Variants in HNRNPD observed in about 807,000 individuals in gnomAD.
The protein encoded by HNRNPD is heterogeneous nuclear ribonucleoprotein D.
Under a neutral mutation model 47.9 loss-of-function variants are expected in HNRNPD, and 3 were observed. The ratio of observed to expected loss-of-function variants is 0.06; its 90% CI spans 0.03 to 0.16. HNRNPD has a LOEUF of 0.16. HNRNPD is among the 10% of genes least tolerant of loss of function. The pLI is 1.00. For synonymous variants in HNRNPD, 171 were observed against 165.1 expected (o/e 1.04, Z -0.28); for missense variants, 287 against 454.2 (o/e 0.63, Z 3.35).
Position 82,353,605 on chromosome 4 carries a change from A to C in HNRNPD, c.*580T>G, listed in dbSNP as rs930107891. The C allele has an allele frequency of 3.3e-5, 5 of 152,676 alleles. No individual in the cohort carries two copies. The highest frequency in any genetic ancestry group is 1.2e-4 in the African/African-American group (5 of 41,466). The allele number at this position is 152,676 out of a possible 1,614,324, so 9.5% of individuals were successfully genotyped here. A position where few individuals can be genotyped will look rare whatever the true frequency, so the allele number is the denominator to read the frequency against. On this transcript the variant is annotated 3_prime_UTR_variant, in exon 9 of 9. Transcript: ENST00000313899. ...ATAAATCTTAATGGCTACATAAGGAAGTATTATTAAAACAACCAACAAACA... is the reference window on the plus strand; with the variant it reads ...ATAAATCTTAATGGCTACATAAGGACGTATTATTAAAACAACCAACAAACA...
intron 6 of HNRNPD, 29 bp downstream of exon 6, chr4:82,356,767 A>AG: frequency 6.2e-7 from 1 of 1,612,816 alleles, no homozygotes; most frequent in South Asian, 1.1e-5. Flanking sequence ...GAAAAGCTTA[A>AG]GATAGAGTAA....
At chr4:82,369,894 G>A (rs1383295834) in intron 2 of HNRNPD, among the ~76,000 whole-genome samples, 1 of 152,216 alleles carries the variant, frequency 6.6e-6, no homozygotes. Flanking sequence ...TGTGATTACA[G>A]CACTTGGGGA....
rs181196854 is a variant in HNRNPD at position 82,352,500 on chromosome 4, T to G, written c.*1685A>C. The G allele has an allele frequency of 2.6e-3, 400 of 152,322 alleles. 1 individual carries two copies. Among genetic ancestry groups the G allele is most frequent in the African/African-American group, 9.1e-3 (379 of 41,566 alleles). 9.4% of individuals were successfully genotyped at this position (152,322 alleles called of 1,614,324 possible). On this transcript the variant is annotated 3_prime_UTR_variant, in exon 9 of 9. Transcript: ENST00000313899. ...ATGAACGACAGAGGGAGACCCTGTC[T>G]CTTAAAAATAATTTTTTATTGAGAG...
rs1723566140 is a variant in HNRNPD, at chr4:82,353,056, G to A, written c.*1129C>T. The A allele has an allele frequency of 6.6e-6, 1 of 152,266 alleles. No individual in the cohort carries two copies. Among genetic ancestry groups the A allele is most frequent in the Admixed American group, 6.5e-5 (1 of 15,288 alleles). The allele number at this position is 152,266 out of a possible 1,614,324, so 9.4% of individuals were successfully genotyped here. A position where few individuals can be genotyped will look rare whatever the true frequency, so the allele number is the denominator to read the frequency against. ...ATTCACTTAAGTAATACCTACAAAC[G>A]ATTTTCCATTCAAGTTGATGGGTAT... On this transcript the variant is annotated 3_prime_UTR_variant, in exon 9 of 9. Transcript: ENST00000313899.
chr4:82,358,927 G>T, intron 3 of HNRNPD, 107 bp from the exon 4 acceptor site: 1 of 815,030 alleles, frequency 1.2e-6, no homozygotes, highest in Non-Finnish European at 1.9e-6. Context: ...CCAAGCATAT[G>T]TTGACTTGCT....
intron 4 of HNRNPD, 105 bp from the exon 5 acceptor site, chr4:82,357,549 G>T (rs1723768657): frequency 2.1e-6 from 2 of 942,772 alleles, no homozygotes; most frequent in South Asian, 2.0e-5. Flanking sequence ...CATGTATTTG[G>T]CACTGAAGTT....
chr4:82,373,733 C>G lies in HNRNPD; in HGVS notation c.-55G>C, dbSNP rs983854027. The G allele has an allele frequency of 4.6e-6, 7 of 1,529,070 alleles. No homozygotes were observed. In the Admixed American group the frequency reaches 7.9e-5, roughly 17 times the overall value. The allele number at this position is 1,529,070 out of a possible 1,614,324, so 94.7% of individuals were successfully genotyped here. On this transcript the variant is annotated 5_prime_UTR_variant, in exon 1 of 9. Coordinates refer to ENST00000313899, the MANE Select transcript of HNRNPD (RefSeq NM_031370.3). ...GACTACACCCGCCGCTGCCGCGAAC[C>G]GAAACTAGCAGCAAAGTAATCCCCG...
chr4:82,373,150 TA>T lies in HNRNPD; in HGVS notation c.233+295del, dbSNP rs1720160583. The T allele has an allele frequency of 4.9e-6, 3 of 618,136 alleles. No homozygotes were observed. The East Asian group carries it at 1.0e-4, about 21-fold the overall frequency. The allele number at this position is 618,136 out of a possible 1,614,324, so 38.3% of individuals were successfully genotyped here. A position where few individuals can be genotyped will look rare whatever the true frequency, so the allele number is the denominator to read the frequency against. Reference sequence around the variant, plus strand: ...ACAGGCGGGAAAAAATCCTGGCGGCTAAGTCGGTGGGAGGAGACCCATGGCG... The same window carrying T: ...ACAGGCGGGAAAAAATCCTGGCGGCTAGTCGGTGGGAGGAGACCCATGGCG... On this transcript the variant is annotated intron_variant, in intron 1 of 8. Transcript: ENST00000313899.
intron 2 of HNRNPD, among the ~76,000 whole-genome samples, chr4:82,362,735 G>A (rs1719537179): frequency 6.6e-6 from 1 of 151,814 alleles, no homozygotes; most frequent in Admixed American, 6.6e-5. Context: ...CCGTGGGAGG[G>A]ATTACAGGCT....
intron 2 of HNRNPD, 83 bp downstream of exon 2, chr4:82,371,445 T>C (rs1449984730): frequency 2.8e-6 from 3 of 1,066,404 alleles, no homozygotes; most frequent in Admixed American, 4.2e-5. Context: ...TGGGGATCAA[T>C]GGGCAACTAA....
At chr4:82,362,837 T>C (rs1393905857) in intron 2 of HNRNPD, among the ~76,000 whole-genome samples, 2 of 151,898 alleles carry the variant, frequency 1.3e-5, no homozygotes, top group African/African-American at 4.8e-5. Flanking sequence ...TGGCCTCAAG[T>C]GATCCGCCCG....
chr4:82,373,657 C>T lies in HNRNPD; in HGVS notation c.22G>A (p.Gly8Arg). The T allele has an allele frequency of 6.5e-7, 1 of 1,528,812 alleles. No individual in the cohort carries two copies. Among genetic ancestry groups the T allele is most frequent in the Non-Finnish European group, 8.7e-7 (1 of 1,144,236 alleles). 94.7% of individuals were successfully genotyped at this position (1,528,812 alleles called of 1,614,324 possible). Reference sequence around the variant, plus strand: ...GTTGCCGCTGCCGCCGCCCCGTCCCCGCCGAACTGCTCCTCCGACATAGTG... The same window carrying T: ...GTTGCCGCTGCCGCCGCCCCGTCCCTGCCGAACTGCTCCTCCGACATAGTG... MSEEQFG[G>R]DGAAAAATAA... Residue 8 changes from glycine (G) to arginine (R), a missense_variant, in exon 1 of 9, where the codon GGG becomes AGG. Transcript: ENST00000313899.
At position 82,357,017 on chromosome 4, in the gene HNRNPD, G is replaced by T. The variant is rs184351475; in HGVS notation, c.754-122C>A. 380 of 864,856 alleles carry T rather than the reference G, an allele frequency of 4.4e-4. 2 individuals carry two copies. The East Asian group carries it at 9.1e-3, about 21-fold the overall frequency. 53.6% of individuals were successfully genotyped at this position (864,856 alleles called of 1,614,324 possible). On this transcript the variant is annotated intron_variant, in intron 5 of 8. Transcript: ENST00000313899. ...GTAGGCTAATTTGAAACTTTCCTCA[G>T]TCAGTTTATTAATTAAACCAATATT...
At chr4:82,365,976 A>C (rs560882376) in intron 2 of HNRNPD, among the ~76,000 whole-genome samples, 1 of 152,038 alleles carries the variant, frequency 6.6e-6, no homozygotes, top group South Asian at 2.1e-4. Flanking sequence ...TTCCCCAAAA[A>C]ACACTTTAGT....
At chr4:82,370,795 G>A (rs1205918643) in intron 2 of HNRNPD, among the ~76,000 whole-genome samples, 2 of 152,216 alleles carry the variant, frequency 1.3e-5, no homozygotes, top group African/African-American at 4.8e-5. Context: ...TGACATTTAG[G>A]GGAGGGGAAA....
intron 1 of HNRNPD, among the ~76,000 whole-genome samples, chr4:82,372,502 G>C (rs1221033157): frequency 6.6e-6 from 1 of 152,194 alleles, no homozygotes; most frequent in African/African-American, 2.4e-5. Flanking sequence ...CACCAAAATA[G>C]GATCCTGGGC....
At chr4:82,369,825 T>G (rs188439249) in intron 2 of HNRNPD, among the ~76,000 whole-genome samples, 21 of 152,314 alleles carry the variant, frequency 1.4e-4, no homozygotes, top group Admixed American at 1.2e-3. Flanking sequence ...AATGAGAACA[T>G]TATTTTTAAG....
intron 2 of HNRNPD, among the ~76,000 whole-genome samples, chr4:82,362,278 T>A (rs183110679): frequency 4.6e-5 from 7 of 152,354 alleles, no homozygotes; most frequent in African/African-American, 1.7e-4. Context: ...GTTGCTGTTC[T>A]AAAAAGTCTC....
chr4:82,358,565 A>G (rs867372948), intron 4 of HNRNPD, 94 bp downstream of exon 4: 3 of 1,069,832 alleles, frequency 2.8e-6, no homozygotes, highest in Middle Eastern at 6.4e-4. Context: ...CTACCCTAAC[A>G]GCTTTGAAAA....
Sources: allele counts gnomAD v4.1 joint callset (sites outside exome capture counted in the v4.1 genomes callset), GRCh38; gene constraint gnomAD v4.1.1; transcripts MANE v1.5; gene names NCBI Gene and HGNC (gene_info 2026-07-23, HGNC 2026-07-21).